Variants in CNOT6L observed in about 807,000 individuals in gnomAD.
The protein encoded by CNOT6L is CCR4-NOT transcription complex subunit 6-like.
A neutral mutation model predicts 64.0 loss-of-function variants in CNOT6L; 7 were observed. The observed-to-expected ratio is 0.11, with a 90% confidence interval of 0.06 to 0.21. The LOEUF (loss-of-function observed/expected upper bound fraction) is 0.21. CNOT6L is among the 10% of genes least tolerant of loss of function. CNOT6L has a pLI of 1.00. For synonymous variants in CNOT6L, 193 were observed against 243.4 expected (o/e 0.79, Z 1.93); for missense variants, 245 against 669.0 (o/e 0.37, Z 6.99).
chr4:77,813,509 C>T (rs1410702053), intron 1 of CNOT6L, among the ~76,000 whole-genome samples: 3 of 151,970 alleles, frequency 2.0e-5, no homozygotes, highest in Non-Finnish European at 4.4e-5. Flanking sequence ...AAAATATTTG[C>T]AAATCATATA....
At chr4:77,738,800 C>T (rs1723259645) in intron 8 of CNOT6L, among the ~76,000 whole-genome samples, 1 of 148,842 alleles carries the variant, frequency 6.7e-6, no homozygotes, top group South Asian at 2.1e-4. Flanking sequence ...TCTACATATA[C>T]ATTATATACA....
chr4:77,804,116 T>C (rs1449505655), intron 1 of CNOT6L, among the ~76,000 whole-genome samples: 1 of 152,066 alleles, frequency 6.6e-6, no homozygotes, highest in Non-Finnish European at 1.5e-5. Flanking sequence ...TAATAATATA[T>C]TGTTCACTCA....
chr4:77,799,039 T>C (rs748269897), intron 1 of CNOT6L, among the ~76,000 whole-genome samples: 18 of 152,186 alleles, frequency 1.2e-4, no homozygotes, highest in Admixed American at 2.0e-4. Flanking sequence ...CACTCCTAGA[T>C]ATTTACCCAA....
intron 1 of CNOT6L, 179 bp downstream of exon 1, chr4:77,819,125 C>A: frequency 8.1e-7 from 1 of 1,230,240 alleles, no homozygotes; most frequent in South Asian, 1.3e-5. Context: ...CCCCGCCGCC[C>A]CCTCCAGTCA....
At chr4:77,801,575 TG>T (rs1482919453) in intron 1 of CNOT6L, among the ~76,000 whole-genome samples, 2 of 151,088 alleles carry the variant, frequency 1.3e-5, no homozygotes, top group Non-Finnish European at 3.0e-5. Flanking sequence ...TATAATTTTC[TG>T]AAAACAAATT....
At chr4:77,814,135 T>C (rs1407295234) in intron 1 of CNOT6L, among the ~76,000 whole-genome samples, 1 of 152,166 alleles carries the variant, frequency 6.6e-6, no homozygotes, top group Non-Finnish European at 1.5e-5. Flanking sequence ...AACGACCATA[T>C]ATTAAGATTG....
chr4:77,768,474 A>AATAAATATATATAT (rs1215170210), intron 4 of CNOT6L, among the ~76,000 whole-genome samples: 16 of 13,060 alleles, frequency 1.2e-3, no homozygotes, highest in Non-Finnish European at 3.4e-3. Context: ...AAAATAAATA[A>AATAAATATATATAT]ATATATATAT....
intron 8 of CNOT6L, among the ~76,000 whole-genome samples, chr4:77,741,319 T>C (rs760450391): frequency 2.6e-5 from 4 of 152,138 alleles, no homozygotes; most frequent in Non-Finnish European, 4.4e-5. Context: ...CTTGGATCAA[T>C]AAAAACAGAT....
chr4:77,723,602 C>A (rs1356723114), intron 11 of CNOT6L, among the ~76,000 whole-genome samples: 1 of 152,150 alleles, frequency 6.6e-6, no homozygotes, highest in African/African-American at 2.4e-5. Flanking sequence ...TAGTCTCTAG[C>A]CATCCTTCCT....
At chr4:77,791,105 C>T (rs1192913485) in intron 1 of CNOT6L, among the ~76,000 whole-genome samples, 3 of 152,000 alleles carry the variant, frequency 2.0e-5, no homozygotes, top group African/African-American at 4.8e-5. Flanking sequence ...TCATGAAACA[C>T]CGTCTATACT....
intron 8 of CNOT6L, among the ~76,000 whole-genome samples, chr4:77,741,479 TC>T (rs1723581359): frequency 1.3e-5 from 2 of 152,206 alleles, no homozygotes; most frequent in South Asian, 4.1e-4. Flanking sequence ...CGTTTCATTT[TC>T]CATTGCCCTG....
At chr4:77,770,204 ATTAC>A (rs1482002113) in intron 4 of CNOT6L, among the ~76,000 whole-genome samples, 5 of 152,146 alleles carry the variant, frequency 3.3e-5, no homozygotes, top group Admixed American at 1.3e-4. Flanking sequence ...GACCCAAATC[ATTAC>A]TAAAATTTCA....
At chr4:77,728,044 G>A (rs1300498460) in intron 10 of CNOT6L, among the ~76,000 whole-genome samples, 1 of 152,104 alleles carries the variant, frequency 6.6e-6, no homozygotes, top group East Asian at 1.9e-4. Context: ...AAGAGTAATA[G>A]TCTAATGTTT....
intron 8 of CNOT6L, among the ~76,000 whole-genome samples, chr4:77,733,379 A>G (rs1722643582): frequency 6.6e-6 from 1 of 152,234 alleles, no homozygotes; most frequent in Non-Finnish European, 1.5e-5. Context: ...AATTTGATTC[A>G]GAGGTCTGCA....
chr4:77,720,084 A>G lies in CNOT6L; in HGVS notation c.*347T>C, dbSNP rs1314175256. On this transcript the variant is annotated 3_prime_UTR_variant, in exon 12 of 12. Transcript: ENST00000504123. ...TTTATAAAATGGTTGGCTCACTGAA[A>G]CCATTCAAAAGAAAGTATTTGTTTT... is the stretch of plus-strand genomic sequence containing the variant. 1 of 178,256 alleles carries G rather than the reference A, an allele frequency of 5.6e-6. No homozygotes were observed. The highest frequency in any genetic ancestry group is 1.2e-5 in the Non-Finnish European group (1 of 84,674). The allele number at this position is 178,256 out of a possible 1,614,324, so 11.0% of individuals were successfully genotyped here.
At chr4:77,798,563 T>G (rs897692277) in intron 1 of CNOT6L, among the ~76,000 whole-genome samples, 2 of 152,182 alleles carry the variant, frequency 1.3e-5, no homozygotes, top group African/African-American at 4.8e-5. Context: ...GATTCTACTC[T>G]ATACTTTGGC....
intron 5 of CNOT6L, among the ~76,000 whole-genome samples, chr4:77,755,290 G>C (rs1725431388): frequency 7.6e-6 from 1 of 131,602 alleles, no homozygotes; most frequent in Admixed American, 9.4e-5. Context: ...GCCCAGGCTG[G>C]AGTGCAGTGG....
At chr4:77,755,235 T>G (rs1021961211) in intron 5 of CNOT6L, among the ~76,000 whole-genome samples, 1 of 120,900 alleles carries the variant, frequency 8.3e-6, no homozygotes, top group Non-Finnish European at 1.7e-5. Context: ...TTTTTTTTTT[T>G]TTTTTTTTTT....
At chr4:77,776,527 G>T in intron 1 of CNOT6L, 135 bp from the exon 2 acceptor site, 1 of 625,880 alleles carries the variant, frequency 1.6e-6, no homozygotes, top group African/African-American at 1.9e-5. Context: ...ATTCTCACTT[G>T]CAGAAAAAGA....
Sources: allele counts gnomAD v4.1 joint callset (sites outside exome capture counted in the v4.1 genomes callset), GRCh38; gene constraint gnomAD v4.1.1; transcripts MANE v1.5; gene names NCBI Gene and HGNC (gene_info 2026-07-23, HGNC 2026-07-21).